Variants in C18orf54 observed in about 807,000 individuals in gnomAD.
C18orf54 encodes the protein lung adenoma susceptibility protein 2.
C18orf54 carries 49 observed loss-of-function variants against 49.3 expected under a neutral mutation model. The observed-to-expected ratio is 0.99, with a 90% CI of 0.79 to 1.26. The LOEUF (loss-of-function observed/expected upper bound fraction) is 1.26, where lower values mean the gene tolerates loss of function less well. C18orf54 is among the 50% of genes most tolerant of loss of function. C18orf54 has a pLI of 0.00. For synonymous variants in C18orf54, 211 were observed against 216.6 expected (o/e 0.97, Z 0.23); for missense variants, 687 against 620.6 (o/e 1.11, Z -1.14).
chr18:54,376,432 C>G (rs1371611369), intron 8 of C18orf54, among the ~76,000 whole-genome samples: 1 of 152,166 alleles, frequency 6.6e-6, no homozygotes, highest in Non-Finnish European at 1.5e-5. Context: ...CTCCTGACCT[C>G]AGGTGATCCA....
intron 5 of C18orf54, among the ~76,000 whole-genome samples, 195 bp from the exon 6 acceptor site, chr18:54,365,521 TAAG>T (rs2089363469): frequency 1.3e-5 from 2 of 152,020 alleles, no homozygotes; most frequent in South Asian, 4.2e-4. Flanking sequence ...AGCAGGGAGA[TAAG>T]AAGGGGTTGG....
intron 8 of C18orf54, 75 bp from the exon 9 acceptor site, chr18:54,378,099 A>AT: frequency 8.9e-7 from 1 of 1,125,774 alleles, no homozygotes; most frequent in Admixed American, 2.5e-5. Flanking sequence ...AACTTTATTT[A>AT]TTTTTTTGCT....
At chr18:54,359,431 G>C (rs952732112) in intron 2 of C18orf54, among the ~76,000 whole-genome samples, 1 of 152,230 alleles carries the variant, frequency 6.6e-6, no homozygotes. Context: ...ACCACGGTCA[G>C]ATCTCTTGTA....
At chr18:54,365,694 C>G in intron 5 of C18orf54, 25 bp from the exon 6 acceptor site, 1 of 1,409,666 alleles carries the variant, frequency 7.1e-7, no homozygotes, top group East Asian at 2.3e-5. Context: ...TAATTGCTAT[C>G]TTGCATCCTT....
In C18orf54 at chr18:54,362,052, C is replaced by A; in HGVS notation, c.693C>A (p.His231Gln). The A allele has an allele frequency of 6.4e-7, 1 of 1,563,034 alleles. No homozygotes were observed. The highest frequency in any genetic ancestry group is 1.4e-5 in the African/African-American group (1 of 73,682). The change falls in exon 4 of 9, where the codon CAC becomes CAA. Residue 231 changes from histidine (H) to glutamine (Q), a missense_variant. His to Gln is a conservative substitution (Grantham distance 24, BLOSUM62 0). Transcript: ENST00000620105. The stretch of plus-strand genomic sequence containing the variant: ...CGTCTTTCAAGGACAGTTCAGAACA[C>A]AGTCTTGAAAAGAATTACCCAAGAT... ...KKSSFKDSSE[H>Q]SLEKNYPRWL...
chr18:54,374,418 T>TTTAA (rs5825070), intron 8 of C18orf54, 134 bp downstream of exon 8: 621,075 of 895,660 alleles, frequency 0.69, 220,093 homozygotes, highest in African/African-American at 0.86. Context: ...GAGCACACTG[T>TTTAA]TTACACTAAA....
At position 54,362,219 on chromosome 18, in the gene C18orf54, A is replaced by G. The variant is rs1359626485; in HGVS notation, c.860A>G (p.Gln287Arg). Reference protein sequence around the residue: ...QRVYQIFKDDQCSPRHSHQAQ... With the variant: ...QRVYQIFKDDRCSPRHSHQAQ... ...GTTTATCAGATATTTAAAGATGATC[A>G]GTGTTCCCCTAGACATAGTCATCAG... is the stretch of plus-strand genomic sequence containing the variant. The change falls in exon 4 of 9, where the codon CAG becomes CGG. Residue 287 changes from glutamine (Q) to arginine (R), a missense_variant. Coordinates refer to ENST00000620105, the MANE Select transcript of C18orf54 (RefSeq NM_001288980.2). The G allele has an allele frequency of 1.3e-6, 2 of 1,536,258 alleles. No individual in the cohort carries two copies. The highest frequency in any genetic ancestry group is 1.7e-6 in the Non-Finnish European group (2 of 1,146,908).
intron 2 of C18orf54, among the ~76,000 whole-genome samples, chr18:54,359,977 G>A (rs1039077931): frequency 1.3e-5 from 2 of 152,136 alleles, no homozygotes; most frequent in African/African-American, 4.8e-5. Context: ...TCCAGAATAA[G>A]ACCTGCAGTT....
In C18orf54 at chr18:54,373,952, A is replaced by G. The variant is rs562270905; in HGVS notation, c.1459-262A>G. ...ACATCATTGAGATATAAGCCTGTTC[A>G]ATAAAGTCATAATTTTAAGCGAAGA... On this transcript the variant is annotated intron_variant, in intron 7 of 8. Transcript: ENST00000620105. Among the ~76,000 whole-genome samples the G allele has an allele frequency of 5.9e-5, 9 of 151,968 alleles. No individual in the cohort carries two copies. In the South Asian group the frequency reaches 1.4e-3, roughly 24 times the overall value.
rs764742149 is a variant in C18orf54, at chr18:54,362,379, G to A, written c.1020G>A (p.Gln340=). The A allele has an allele frequency of 1.6e-5, 24 of 1,533,984 alleles. No homozygotes were observed. The highest frequency in any genetic ancestry group is 1.7e-5 in the Non-Finnish European group (20 of 1,145,698). Residue 340 remains glutamine (Q), a synonymous_variant, in exon 4 of 9, where the codon CAG becomes CAA. Coordinates refer to ENST00000620105, the MANE Select transcript of C18orf54 (RefSeq NM_001288980.2). ...ACAAATGTGATTTTGAACATAGCCA[G>A]TGTCAATGTGAGAATCCACTTCTCC... is the stretch of plus-strand genomic sequence containing the variant. ...NEYKCDFEHS[Q]CQCENPLLPG... is the part of the protein sequence containing the mutation.
At position 54,366,903 on chromosome 18, in the gene C18orf54, C is replaced by A. The variant is rs564752805; in HGVS notation, c.1326+1082C>A. 9.7e-4 allele frequency among the ~76,000 whole-genome samples: 148 copies of A among 152,102 alleles called. 1 individual carries two copies. The highest frequency in any genetic ancestry group is 3.3e-3 in the African/African-American group (138 of 41,550). Reference sequence around the variant, plus strand: ...GTAAGTTGTAATGTGAAATCTTAAACCATAATAATGACCTTCTTTGTCTCT... The same window carrying A: ...GTAAGTTGTAATGTGAAATCTTAAAACATAATAATGACCTTCTTTGTCTCT... On this transcript the variant is annotated intron_variant, in intron 6 of 8. Transcript: ENST00000620105.
At chr18:54,365,902 A>C in intron 6 of C18orf54, 81 bp downstream of exon 6, 1 of 708,264 alleles carries the variant, frequency 1.4e-6, no homozygotes, top group South Asian at 3.8e-5. Flanking sequence ...TTACTTAGAT[A>C]ATTTAAAGCA....
chr18:54,371,374 GTTTA>G (rs1299474282), intron 6 of C18orf54, among the ~76,000 whole-genome samples: 1 of 151,960 alleles, frequency 6.6e-6, no homozygotes, highest in Non-Finnish European at 1.5e-5. Flanking sequence ...ACCACATTTT[GTTTA>G]TTCATTCATC....
rs766583504 is a variant in C18orf54, at chr18:54,362,102, T to G, written c.743T>G (p.Leu248Arg). The stretch of plus-strand genomic sequence containing the variant: ...TGGCTCACTAGCCAGAAATCTGACC[T>G]TAATGTTTCAGGGATAACTAGTATA... ...PRWLTSQKSD[L>R]NVSGITSIPD... Residue 248 changes from leucine to arginine, a missense_variant, in exon 4 of 9, where the codon CTT becomes CGT. Transcript: ENST00000620105. The G allele has an allele frequency of 1.9e-6, 3 of 1,538,740 alleles. No homozygotes were observed. In the South Asian group the frequency reaches 3.6e-5, roughly 18 times the overall value.
At chr18:54,371,236 C>T (rs1030077718) in intron 6 of C18orf54, among the ~76,000 whole-genome samples, 3 of 152,062 alleles carry the variant, frequency 2.0e-5, no homozygotes, top group Non-Finnish European at 2.9e-5. Flanking sequence ...TAAGAAGAAT[C>T]ATATGTGTAT....
At chr18:54,361,251 G>T (rs545967991) in intron 3 of C18orf54, among the ~76,000 whole-genome samples, 1 of 152,120 alleles carries the variant, frequency 6.6e-6, no homozygotes, top group Non-Finnish European at 1.5e-5. Flanking sequence ...CCATTGAAGG[G>T]TTTGTAGGTG....
rs778781471 is a variant in C18orf54, at chr18:54,378,218, C to T, written c.1574C>T (p.Thr525Met). Residue 525 changes from threonine (T) to methionine (M), a missense_variant, in exon 9 of 9, where the codon ACG (threonine) becomes ATG (methionine). Physicochemically the swap from Thr to Met is moderately conservative, Grantham distance 81. Transcript: ENST00000620105. Reference sequence around the variant, plus strand: ...CGCCTGAGAGACCTGGTTGATGATACGAATGGAGAACGGTCACCGAAAATG... The same window carrying T: ...CGCCTGAGAGACCTGGTTGATGATATGAATGGAGAACGGTCACCGAAAATG... ...LSRLRDLVDD[T>M]NGERSPKM The T allele has an allele frequency of 8.7e-6, 14 of 1,613,122 alleles. No homozygotes were observed. Among genetic ancestry groups the T allele is most frequent in the African/African-American group, 2.7e-5 (2 of 74,866 alleles).
At chr18:54,374,666 T>C (rs2089541260) in intron 8 of C18orf54, among the ~76,000 whole-genome samples, 2 of 151,872 alleles carry the variant, frequency 1.3e-5, no homozygotes, top group African/African-American at 2.4e-5. Context: ...TGGAACATCA[T>C]TACAGAAATC....
intron 3 of C18orf54, 49 bp from the exon 4 acceptor site, chr18:54,361,594 A>G (rs759542320): frequency 4.9e-6 from 7 of 1,419,508 alleles, no homozygotes; most frequent in Non-Finnish European, 6.6e-6. Flanking sequence ...ACTGTTGGAT[A>G]TTATAAAATA....
Sources: allele counts gnomAD v4.1 joint callset (sites outside exome capture counted in the v4.1 genomes callset), GRCh38; gene constraint gnomAD v4.1.1; transcripts MANE v1.5; gene names NCBI Gene and HGNC (gene_info 2026-07-23, HGNC 2026-07-21).